CLPX: variants seen among roughly 807,000 people sequenced by gnomAD.
CLPX encodes the protein caseinolytic mitochondrial matrix peptidase chaperone subunit X, also known as ATP-dependent clpX-like chaperone, mitochondrial.
A neutral mutation model predicts 76.4 loss-of-function variants in CLPX; 34 were observed. The observed-to-expected ratio is 0.45, with a 90% CI of 0.34 to 0.59. CLPX has a LOEUF of 0.59. Ranked by LOEUF, CLPX falls within the 20% of genes least tolerant of loss-of-function variation. The probability of loss-of-function intolerance (pLI) is 0.01; values close to 1 mark genes in which losing one functional copy is unlikely to be tolerated. For synonymous variants in CLPX, 248 were observed against 270.9 expected (o/e 0.92, Z 0.83); for missense variants, 613 against 757.0 (o/e 0.81, Z 2.23).
At chr15:65,158,543 T>C in intron 7 of CLPX, 32 bp downstream of exon 7, 2 of 1,549,450 alleles carry the variant, frequency 1.3e-6, no homozygotes, top group South Asian at 1.2e-5. Flanking sequence ...ATTTTTAAAA[T>C]GAGTAGTAAA....
intron 11 of CLPX, 33 bp downstream of exon 11, chr15:65,154,749 A>T (rs745796056): frequency 2.7e-5 from 41 of 1,519,874 alleles, no homozygotes; most frequent in Non-Finnish European, 1.2e-5. Flanking sequence ...AAGAAAATAA[A>T]AAATAACTAA....
In CLPX at chr15:65,148,891, T is replaced by C. The variant is rs930105044; in HGVS notation, c.*1932A>G. On this transcript the variant is annotated 3_prime_UTR_variant, in exon 14 of 14. Coordinates refer to ENST00000300107, the MANE Select transcript of CLPX (RefSeq NM_006660.5). ...TTTTAATATTTATGGAATTAAATGATACAATTTTCATTAAGACCCCAAATA... is the reference window on the plus strand; with the variant it reads ...TTTTAATATTTATGGAATTAAATGACACAATTTTCATTAAGACCCCAAATA... 2.0e-5 allele frequency: 3 copies of C among 152,216 alleles called. No homozygotes were observed. Among genetic ancestry groups the C allele is most frequent in the Non-Finnish European group, 4.4e-5 (3 of 68,028 alleles). The allele number at this position is 152,216 out of a possible 1,614,324, so 9.4% of individuals were successfully genotyped here.
intron 6 of CLPX, among the ~76,000 whole-genome samples, chr15:65,160,570 G>A (rs1356982787): frequency 6.6e-6 from 1 of 150,650 alleles, no homozygotes; most frequent in African/African-American, 2.5e-5. Context: ...AGCAAGGCCA[G>A]CAGGTGCTTG....
At chr15:65,154,708 G>A in intron 11 of CLPX, 74 bp downstream of exon 11, 1 of 1,205,532 alleles carries the variant, frequency 8.3e-7, no homozygotes, top group Admixed American at 2.5e-5. Flanking sequence ...TGTTTTTGTT[G>A]TTAGGTTAAT....
intron 3 of CLPX, among the ~76,000 whole-genome samples, chr15:65,170,947 G>A (rs2087996094): frequency 6.7e-6 from 1 of 148,910 alleles, no homozygotes; most frequent in Admixed American, 6.8e-5. Flanking sequence ...CTCAGCCTCT[G>A]GAGTAGCTGG....
intron 3 of CLPX, among the ~76,000 whole-genome samples, chr15:65,169,240 C>T (rs2087963796): frequency 6.6e-6 from 1 of 152,068 alleles, no homozygotes; most frequent in African/African-American, 2.4e-5. Flanking sequence ...AGGCATGAGC[C>T]ACTGCGCCCG....
chr15:65,166,879 C>T, intron 3 of CLPX, 94 bp from the exon 4 acceptor site: 1 of 1,261,434 alleles, frequency 7.9e-7, no homozygotes. Flanking sequence ...AAGCTACGCA[C>T]CTGACAAAAA....
At chr15:65,159,964 C>T (rs1232663501) in intron 6 of CLPX, among the ~76,000 whole-genome samples, 1 of 152,050 alleles carries the variant, frequency 6.6e-6, no homozygotes, top group Non-Finnish European at 1.5e-5. Context: ...AGGCACACGC[C>T]ACCACACCTG....
At chr15:65,167,432 T>C (rs1260032183) in intron 3 of CLPX, among the ~76,000 whole-genome samples, 1 of 152,180 alleles carries the variant, frequency 6.6e-6, no homozygotes, top group African/African-American at 2.4e-5. Flanking sequence ...ATTGAAATAC[T>C]TGAATGAACA....
intron 1 of CLPX, among the ~76,000 whole-genome samples, chr15:65,181,193 T>C (rs1453996047): frequency 6.6e-6 from 1 of 151,436 alleles, no homozygotes; most frequent in African/African-American, 2.4e-5. Context: ...AGGGAGACTC[T>C]GTCTCAAAAA....
At chr15:65,182,196 G>A (rs894873404) in intron 1 of CLPX, among the ~76,000 whole-genome samples, 6 of 151,348 alleles carry the variant, frequency 4.0e-5, no homozygotes, top group Non-Finnish European at 4.4e-5. Flanking sequence ...CAATCAAAAT[G>A]ACCATTCACC....
chr15:65,175,744 A>G (rs1467284495), intron 3 of CLPX, among the ~76,000 whole-genome samples: 1 of 152,206 alleles, frequency 6.6e-6, no homozygotes, highest in Admixed American at 6.5e-5. Context: ...TTTTCAGACT[A>G]CGGATGCTCA....
intron 3 of CLPX, among the ~76,000 whole-genome samples, chr15:65,169,211 C>T (rs2087963506): frequency 6.6e-6 from 1 of 152,024 alleles, no homozygotes; most frequent in African/African-American, 2.4e-5. Context: ...GCCTCGGCCT[C>T]CCAAAGTGCT....
intron 3 of CLPX, among the ~76,000 whole-genome samples, chr15:65,167,713 TAA>T (rs753139026): frequency 1.1e-4 from 15 of 132,610 alleles, no homozygotes; most frequent in Admixed American, 2.3e-4. Flanking sequence ...CCGTCTCTAC[TAA>T]AAAAAAAAAA....
At position 65,149,520 on chromosome 15, in the gene CLPX, C is replaced by A; in HGVS notation, c.*1303G>T. 1 of 416,596 alleles carries A rather than the reference C, an allele frequency of 2.4e-6. No individual in the cohort carries two copies. The highest frequency in any genetic ancestry group is 7.8e-5 in the East Asian group (1 of 12,806). 25.8% of individuals were successfully genotyped at this position (416,596 alleles called of 1,614,324 possible). ...ATATATAACTTTCTGAAGATTTAAG[C>A]CAGACTTCAATTCCATGTACTCACC... On this transcript the variant is annotated 3_prime_UTR_variant, in exon 14 of 14. Coordinates refer to ENST00000300107, the MANE Select transcript of CLPX (RefSeq NM_006660.5).
Position 65,185,099 on chromosome 15 carries a change from A to G in CLPX, c.55T>C (p.Ser19Pro). The G allele has an allele frequency of 6.4e-7, 1 of 1,573,990 alleles. No individual in the cohort carries two copies. Among genetic ancestry groups the G allele is most frequent in the Non-Finnish European group, 8.6e-7 (1 of 1,161,806 alleles). ...CGAAAVRLIT[S>P]SLASAQRGIS... The stretch of plus-strand genomic sequence containing the variant: ...CCTCTCTGCGCGGAGGCGAGTGAGG[A>G]GGTGATGAGCCGGACGGCCGCCGCG... The change falls in exon 1 of 14, where the codon TCC becomes CCC. Residue 19 changes from serine to proline, a missense_variant. Transcript: ENST00000300107.
At chr15:65,183,440 G>C (rs1202157331) in intron 1 of CLPX, among the ~76,000 whole-genome samples, 1 of 123,362 alleles carries the variant, frequency 8.1e-6, no homozygotes, top group African/African-American at 3.1e-5. Context: ...CAGCCTGAGC[G>C]ACAGAGCGAG....
chr15:65,162,962 A>G (rs1405413870), intron 5 of CLPX, among the ~76,000 whole-genome samples: 1 of 152,222 alleles, frequency 6.6e-6, no homozygotes, highest in African/African-American at 2.4e-5. Context: ...CACTTAGAAT[A>G]GCTTAAATAT....
chr15:65,156,952 C>T lies in CLPX; in HGVS notation c.1058-20G>A. ...CAATTCCTATAATTTAAGGAGGATT[C>T]TATTTATAATACGAAAAAGATATAC... On this transcript the variant is annotated intron_variant, in intron 8 of 13. Transcript: ENST00000300107. 2.0e-6 allele frequency: 3 copies of T among 1,525,938 alleles called. No homozygotes were observed. The highest frequency in any genetic ancestry group is 2.7e-6 in the Non-Finnish European group (3 of 1,105,102). The allele number at this position is 1,525,938 out of a possible 1,614,324, so 94.5% of individuals were successfully genotyped here.
Sources: gnomAD v4.1 joint callset for allele counts (sites outside exome capture counted in the v4.1 genomes callset) on GRCh38, gnomAD v4.1.1 for gene constraint, MANE v1.5 for transcripts, NCBI Gene and HGNC (gene_info 2026-07-23, HGNC 2026-07-21) for gene names.